NFKBIZ: variants seen among roughly 807,000 people sequenced by gnomAD.
The protein encoded by NFKBIZ is NF-kappa-B inhibitor zeta.
A neutral mutation model predicts 76.8 loss-of-function variants in NFKBIZ; 19 were observed. The observed-to-expected ratio is 0.25, with a 90% CI of 0.17 to 0.36. The LOEUF (loss-of-function observed/expected upper bound fraction) is 0.36. NFKBIZ is among the 10% of genes least tolerant of loss of function. The pLI, the probability that NFKBIZ is intolerant of heterozygous loss-of-function variation, is 1.00. For missense variants in NFKBIZ, 829 were observed against 910.9 expected, an observed-to-expected ratio of 0.91 and a Z score of 1.16; for synonymous variants, 368 against 354.8, an observed-to-expected ratio of 1.04 and a Z score of -0.42.
At chr3:101,829,245 T>G (rs1320230870) in intron 1 of NFKBIZ, among the ~76,000 whole-genome samples, 1 of 151,796 alleles carries the variant, frequency 6.6e-6, no homozygotes, top group African/African-American at 2.4e-5. Context: ...GGTGGCAGAG[T>G]CAGTCTGAGA....
intron 2 of NFKBIZ, among the ~76,000 whole-genome samples, chr3:101,837,601 G>T (rs1442627855): frequency 6.6e-6 from 1 of 152,152 alleles, no homozygotes; most frequent in South Asian, 2.1e-4. Context: ...AAAACACAGG[G>T]TTGAGAATCA....
chr3:101,843,384 A>G (rs902099438), intron 2 of NFKBIZ, among the ~76,000 whole-genome samples: 3 of 152,202 alleles, frequency 2.0e-5, no homozygotes, highest in African/African-American at 4.8e-5. Flanking sequence ...TAGAGGTTAC[A>G]ATGAGCTATA....
Position 101,852,243 on chromosome 3 carries a change from T to A in NFKBIZ, c.429+19T>A, listed in dbSNP as rs1052204525. On this transcript the variant is annotated intron_variant, in intron 2 of 11. Coordinates refer to ENST00000326172, the MANE Select transcript of NFKBIZ (RefSeq NM_031419.4). Reference sequence around the variant, plus strand: ...TTTTAAGGTGACATCTATTTTTCTGTTTTGAGTATAGAGTTGGGGAGAGGG... The same window carrying A: ...TTTTAAGGTGACATCTATTTTTCTGATTTGAGTATAGAGTTGGGGAGAGGG... The A allele has an allele frequency of 6.2e-7, 1 of 1,612,964 alleles. No homozygotes were observed. The highest frequency in any genetic ancestry group is 8.5e-7 in the Non-Finnish European group (1 of 1,179,356).
At chr3:101,832,032 A>G (rs1942654364) in intron 2 of NFKBIZ, among the ~76,000 whole-genome samples, 1 of 151,980 alleles carries the variant, frequency 6.6e-6, no homozygotes, top group Admixed American at 6.6e-5. Context: ...CCTTAGCCTC[A>G]TCAGTAGCTG....
rs970764786 is a variant in NFKBIZ at position 101,834,347 on chromosome 3, CTTCCTTTCCCTT to C, written c.-12+4673_-12+4684del. Among the ~76,000 whole-genome samples, 10 of 151,512 alleles carry C rather than the reference CTTCCTTTCCCTT, an allele frequency of 6.6e-5. No homozygotes were observed. The East Asian group carries it at 1.6e-3, about 24-fold the overall frequency. The stretch of plus-strand genomic sequence containing the variant: ...CTCTCTCCTTCTCTTTCCTTCCTTC[CTTCCTTTCCCTT>C]TTCCTTTCCCTTTCGCTTTCCTTTC... On this transcript the variant is annotated intron_variant, in intron 2 of 12. Coordinates refer to the NFKBIZ transcript ENST00000394054.
At position 101,859,374 on chromosome 3, in the gene NFKBIZ, C is replaced by A. The variant is rs200182304; in HGVS notation, c.*3C>A. 19 of 1,613,278 alleles carry A rather than the reference C, an allele frequency of 1.2e-5. No individual in the cohort carries two copies. Among genetic ancestry groups the A allele is most frequent in the Admixed American group, 5.0e-5 (3 of 60,022 alleles). Reference sequence around the variant, plus strand: ...AGCAGAGAGCTCCACCGTATTAGCTCCATTAGCTTGGAGCCTGGCTAGCAA... The same window carrying A: ...AGCAGAGAGCTCCACCGTATTAGCTACATTAGCTTGGAGCCTGGCTAGCAA... On this transcript the variant is annotated 3_prime_UTR_variant, in exon 12 of 12. Transcript: ENST00000326172.
At chr3:101,830,172 C>T (rs1476897456) in intron 2 of NFKBIZ, among the ~76,000 whole-genome samples, 1 of 152,084 alleles carries the variant, frequency 6.6e-6, no homozygotes, top group Non-Finnish European at 1.5e-5. Flanking sequence ...TCCTTTCAAC[C>T]GTAGGGAATG....
rs1462574968 is a variant in NFKBIZ at position 101,855,885 on chromosome 3, G to A, written c.1807G>A (p.Ala603Thr). 6.2e-7 allele frequency: 1 copy of A among 1,608,448 alleles called. No individual in the cohort carries two copies. The highest frequency in any genetic ancestry group is 8.5e-7 in the Non-Finnish European group (1 of 1,177,702). Reference protein sequence around the residue: ...DTIKCLIQMGAAVEAKDRKSG... With the variant: ...DTIKCLIQMGTAVEAKDRKSG... Reference sequence around the variant, plus strand: ...CATTAAGTGCCTAATTCAAATGGGAGCAGCGGTGGAAGCGAAGGTAAATTC... The same window carrying A: ...CATTAAGTGCCTAATTCAAATGGGAACAGCGGTGGAAGCGAAGGTAAATTC... Residue 603 changes from alanine to threonine, a missense_variant, in exon 9 of 12, where the codon GCA becomes ACA. Physicochemically the swap from Ala to Thr is moderately conservative, Grantham distance 58. Coordinates refer to ENST00000326172, the MANE Select transcript of NFKBIZ (RefSeq NM_031419.4).
chr3:101,842,136 G>C (rs1423973521), intron 2 of NFKBIZ, among the ~76,000 whole-genome samples: 1 of 152,186 alleles, frequency 6.6e-6, no homozygotes, highest in Non-Finnish European at 1.5e-5. Flanking sequence ...AAGTGGGGTT[G>C]AGAGTTGGGG....
intron 2 of NFKBIZ, among the ~76,000 whole-genome samples, chr3:101,835,002 G>T (rs531927728): frequency 4.6e-5 from 7 of 152,270 alleles, no homozygotes; most frequent in African/African-American, 1.7e-4. Context: ...AGGCCAAAAT[G>T]CTTAACAATG....
At chr3:101,856,335 C>G (rs1276947538) in intron 9 of NFKBIZ, among the ~76,000 whole-genome samples, 1 of 152,212 alleles carries the variant, frequency 6.6e-6, no homozygotes, top group Non-Finnish European at 1.5e-5. Context: ...CAGGCGTGAG[C>G]CACCGCGCCC....
At chr3:101,838,512 T>C (rs1942751101) in intron 2 of NFKBIZ, among the ~76,000 whole-genome samples, 1 of 152,204 alleles carries the variant, frequency 6.6e-6, no homozygotes, top group Admixed American at 6.5e-5. Flanking sequence ...AGAGACAAGA[T>C]GGAGGATATT....
chr3:101,856,968 C>G, intron 9 of NFKBIZ, 105 bp from the exon 10 acceptor site: 1 of 782,556 alleles, frequency 1.3e-6, no homozygotes, highest in South Asian at 1.7e-5. Context: ...CAAAGTGAGT[C>G]TCTGAAGCTG....
At chr3:101,854,714 A>G in intron 6 of NFKBIZ, 31 bp downstream of exon 6, 3 of 1,474,590 alleles carry the variant, frequency 2.0e-6, no homozygotes, top group Non-Finnish European at 2.8e-6. Context: ...TGAAATGGCA[A>G]AGAGGGGGTC....
At position 101,853,113 on chromosome 3, in the gene NFKBIZ, C is replaced by T; in HGVS notation, c.587C>T (p.Pro196Leu). 1.2e-6 allele frequency: 2 copies of T among 1,613,916 alleles called. No individual in the cohort carries two copies. Among genetic ancestry groups the T allele is most frequent in the African/African-American group, 1.3e-5 (1 of 75,016 alleles). The change falls in exon 5 of 12, where the codon CCC becomes CTC. Residue 196 changes from proline to leucine, a missense_variant. Physicochemically the swap from Pro to Leu is moderately conservative, Grantham distance 98. Coordinates refer to ENST00000326172, the MANE Select transcript of NFKBIZ (RefSeq NM_031419.4). ...CAGACACCACCTCAAACACCAACGCCCGGGGAGAGCATGGAAGATGTTCAT... is the reference window on the plus strand; with the variant it reads ...CAGACACCACCTCAAACACCAACGCTCGGGGAGAGCATGGAAGATGTTCAT... ...QFLTPPQTPT[P>L]GESMEDVHLN...
At chr3:101,854,487 G>T in intron 5 of NFKBIZ, 91 bp from the exon 6 acceptor site, 4 of 757,898 alleles carry the variant, frequency 5.3e-6, no homozygotes, top group African/African-American at 1.8e-5. Flanking sequence ...ATATAAAAAG[G>T]GGGCTAAAGG....
upstream of NFKBIZ, among the ~76,000 whole-genome samples, chr3:101,845,411 G>C (rs959540972): frequency 6.7e-6 from 1 of 149,280 alleles, no homozygotes; most frequent in Non-Finnish European, 1.5e-5. Context: ...CTCCCACTTC[G>C]GCCTCCCAAG....
upstream of NFKBIZ, among the ~76,000 whole-genome samples, chr3:101,847,443 A>G (rs1456418153): frequency 6.6e-6 from 1 of 152,264 alleles, no homozygotes; most frequent in Non-Finnish European, 1.5e-5. Flanking sequence ...AAGGAAATAC[A>G]GTCATGCATT....
In NFKBIZ at chr3:101,857,133, A is replaced by T. The variant is rs558012494; in HGVS notation, c.1885A>T (p.Ile629Phe). The change falls in exon 10 of 12, where the codon ATT (isoleucine) becomes TTT (phenylalanine). Residue 629 changes from isoleucine (I) to phenylalanine (F), a missense_variant. Ile to Phe is a conservative substitution (Grantham distance 21). Coordinates refer to ENST00000326172, the MANE Select transcript of NFKBIZ (RefSeq NM_031419.4). ...LAAEEANLEL[I>F]RLFLELPSCL... ...AGCTGAAGAAGCAAATCTGGAACTC[A>T]TTCGCCTCTTTTTGGAGCTGCCCAG... is the stretch of plus-strand genomic sequence containing the variant. 1.2e-6 allele frequency: 2 copies of T among 1,613,400 alleles called. No homozygotes were observed. The highest frequency in any genetic ancestry group is 2.2e-5 in the South Asian group (2 of 91,062).
Sources: gnomAD v4.1 joint callset for allele counts (sites outside exome capture counted in the v4.1 genomes callset) on GRCh38, gnomAD v4.1.1 for gene constraint, MANE v1.5 for transcripts, NCBI Gene and HGNC (gene_info 2026-07-23, HGNC 2026-07-21) for gene names.